The following PLXNA4 variants were observed in gnomAD, a reference collection of about 807,000 sequenced individuals.
PLXNA4 encodes plexin-A4.
A neutral mutation model predicts 191.8 loss-of-function variants in PLXNA4; 44 were observed. The observed-to-expected ratio is 0.23, with a 90% CI of 0.18 to 0.29. The LOEUF is 0.29. Ranked by LOEUF, PLXNA4 falls within the 10% of genes least tolerant of loss-of-function variation. PLXNA4 has a pLI of 1.00. For synonymous variants in PLXNA4, 1,082 were observed against 1,009.5 expected (o/e 1.07, Z -1.36); for missense variants, 1,800 against 2,488.8 (o/e 0.72, Z 5.89).
intron 3 of PLXNA4, among the ~76,000 whole-genome samples, chr7:132,379,274 A>G (rs1191482002): frequency 6.6e-6 from 1 of 152,154 alleles, no homozygotes; most frequent in Non-Finnish European, 1.5e-5. Flanking sequence ...GCTGTGTACT[A>G]TGGGAATGGG....
chr7:132,593,198 C>T lies in PLXNA4; in HGVS notation c.-87+52730G>A, dbSNP rs78165656. ...GGAAGCTGTTTACCCACACAATTGA[C>T]GCGCAGCGTGGGCTGTTGTGGAATC... is the stretch of plus-strand genomic sequence containing the variant. On this transcript the variant is annotated intron_variant, in intron 2 of 4. Coordinates refer to the PLXNA4 transcript ENST00000378539. Among the ~76,000 whole-genome samples, 443 of 152,312 alleles carry T rather than the reference C, an allele frequency of 2.9e-3. 2 individuals carry two copies. Among genetic ancestry groups the T allele is most frequent in the African/African-American group, 0.01 (421 of 41,566 alleles).
At chr7:132,132,402 GTT>G (rs879347559) in intron 31 of PLXNA4, among the ~76,000 whole-genome samples, 1,828 of 28,314 alleles carry the variant, frequency 0.065, 49 homozygotes, top group Admixed American at 0.16. Context: ...GTTCTGTTCT[GTT>G]CTGTTCTGTT....
intron 2 of PLXNA4, 52 bp downstream of exon 2, chr7:132,507,454 T>G (rs1585241908): frequency 7.9e-5 from 122 of 1,537,748 alleles, no homozygotes; most frequent in Middle Eastern, 1.8e-4. Flanking sequence ...CAGGCTGGGG[T>G]TCTCATCCTA....
At position 132,332,782 on chromosome 7, in the gene PLXNA4, C is replaced by A. The variant is rs1452700830; in HGVS notation, c.1372-34560G>T. On this transcript the variant is annotated intron_variant, in intron 3 of 31. Transcript: ENST00000321063. ...GGCTGCAGTAGAAGGATCATTTGAG[C>A]CCAGGAGTTGGAGGCTGCAGTGAGC... Among the ~76,000 whole-genome samples, 11 of 151,796 alleles carry A rather than the reference C, an allele frequency of 7.2e-5. No homozygotes were observed. In the East Asian group the frequency reaches 1.7e-3, roughly 24 times the overall value.
chr7:132,302,484 G>A (rs76273277), intron 3 of PLXNA4, among the ~76,000 whole-genome samples: 5,478 of 152,106 alleles, frequency 0.036, 117 homozygotes, highest in African/African-American at 0.047. Context: ...TATCTGAGCT[G>A]CTAGTTATAA....
At chr7:132,632,235 C>CAAAAAA (rs398006359) in intron 2 of PLXNA4, among the ~76,000 whole-genome samples, 7 of 78,624 alleles carry the variant, frequency 8.9e-5, no homozygotes, top group Admixed American at 1.5e-4. Context: ...GACTCCATCT[C>CAAAAAA]AAAAAAAAAA....
chr7:132,336,496 G>A (rs1802822105), intron 3 of PLXNA4, among the ~76,000 whole-genome samples: 1 of 152,140 alleles, frequency 6.6e-6, no homozygotes, highest in South Asian at 2.1e-4. Context: ...AACCCCACCT[G>A]CTTTGCCTTT....
At position 132,198,621 on chromosome 7, in the gene PLXNA4, C is replaced by T; in HGVS notation, c.2602G>A (p.Gly868Ser). ...PRITEIIPVT[G>S]PREGGTKVTI... ...ACCTTGGTGCCCCCTTCCCGGGGGC[C>T]TGTCACCGGGATTATCTGGAGGGAG... Residue 868 changes from glycine (G) to serine (S), a missense_variant, in exon 13 of 32, where the codon GGC becomes AGC. Transcript: ENST00000321063. 6.2e-7 allele frequency: 1 copy of T among 1,614,166 alleles called. No homozygotes were observed. Among genetic ancestry groups the T allele is most frequent in the Non-Finnish European group, 8.5e-7 (1 of 1,180,022 alleles).
At chr7:132,256,343 G>A (rs1177043815) in intron 4 of PLXNA4, among the ~76,000 whole-genome samples, 1 of 152,210 alleles carries the variant, frequency 6.6e-6, no homozygotes, top group African/African-American at 2.4e-5. Context: ...ATTTTCGAAT[G>A]CTTTTCTCCT....
chr7:132,275,133 CTATAAT>C (rs1363138946), intron 4 of PLXNA4, among the ~76,000 whole-genome samples: 2 of 152,118 alleles, frequency 1.3e-5, no homozygotes, highest in Non-Finnish European at 2.9e-5. Context: ...TGACTCTTCT[CTATAAT>C]TATTATTGTA....
intron 2 of PLXNA4, among the ~76,000 whole-genome samples, chr7:132,615,674 G>T (rs1301351454): frequency 1.3e-5 from 2 of 152,128 alleles, no homozygotes; most frequent in Non-Finnish European, 2.9e-5. Context: ...GAGTGAGCAG[G>T]GAAGTGACGC....
At chr7:132,223,822 T>C (rs1798224375) in intron 8 of PLXNA4, among the ~76,000 whole-genome samples, 181 bp from the exon 9 acceptor site, 1 of 152,172 alleles carries the variant, frequency 6.6e-6, no homozygotes, top group South Asian at 2.1e-4. Flanking sequence ...AGGAAGCTAA[T>C]GGTCTCTGGT....
intron 1 of PLXNA4, among the ~76,000 whole-genome samples, chr7:132,558,910 C>T (rs1240495425): frequency 6.6e-6 from 1 of 151,920 alleles, no homozygotes; most frequent in South Asian, 2.1e-4. Context: ...TTGTTGCAGG[C>T]TCTGAGACAG....
At chr7:132,223,229 AC>A (rs1282835067) in intron 9 of PLXNA4, among the ~76,000 whole-genome samples, 2 of 151,900 alleles carry the variant, frequency 1.3e-5, no homozygotes, top group Admixed American at 1.3e-4. Context: ...ACACCAACAC[AC>A]CCATCTCTTT....
chr7:132,479,795 A>G (rs1351171123), intron 3 of PLXNA4, among the ~76,000 whole-genome samples: 1 of 152,030 alleles, frequency 6.6e-6, no homozygotes, highest in African/African-American at 2.4e-5. Context: ...GACTACAGGC[A>G]TGTACCATCA....
intron 2 of PLXNA4, among the ~76,000 whole-genome samples, chr7:132,622,185 G>C (rs544831499): frequency 6.6e-6 from 1 of 152,080 alleles, no homozygotes; most frequent in Non-Finnish European, 1.5e-5. Context: ...TCTTCCACTG[G>C]CTGGATATAA....
intron 2 of PLXNA4, among the ~76,000 whole-genome samples, chr7:132,505,111 C>G (rs1286433411): frequency 6.6e-6 from 1 of 152,234 alleles, no homozygotes; most frequent in African/African-American, 2.4e-5. Context: ...TTTCTACTCT[C>G]GGCCCTGAAC....
intron 4 of PLXNA4, among the ~76,000 whole-genome samples, chr7:132,295,214 GA>G (rs1489899914): frequency 6.6e-6 from 1 of 152,202 alleles, no homozygotes; most frequent in African/African-American, 2.4e-5. Flanking sequence ...CCTATTAGGT[GA>G]AGTTTAGGCT....
chr7:132,526,334 G>A (rs1309164697), intron 1 of PLXNA4, among the ~76,000 whole-genome samples: 3 of 152,230 alleles, frequency 2.0e-5, no homozygotes, highest in African/African-American at 4.8e-5. Context: ...GCAGATGCCT[G>A]CACGCCTGTG....
Sources: allele counts gnomAD v4.1 joint callset (sites outside exome capture counted in the v4.1 genomes callset), GRCh38; gene constraint gnomAD v4.1.1; transcripts MANE v1.5; gene names NCBI Gene and HGNC (gene_info 2026-07-23, HGNC 2026-07-21).